Variants in GRHL2 observed in about 807,000 individuals in gnomAD.
GRHL2 encodes grainyhead-like protein 2 homolog.
A neutral mutation model predicts 83.8 loss-of-function variants in GRHL2; 21 were observed. The ratio of observed to expected loss-of-function variants is 0.25; its 90% CI spans 0.18 to 0.36. The LOEUF is 0.36. Ranked by LOEUF, GRHL2 falls within the 10% of genes least tolerant of loss-of-function variation. GRHL2 has a pLI of 1.00. For synonymous variants in GRHL2, 280 were observed against 278.9 expected, an observed-to-expected ratio of 1.00 and a Z score of -0.04; for missense variants, 623 against 781.8, an observed-to-expected ratio of 0.80 and a Z score of 2.42.
At position 101,543,591 on chromosome 8, in the gene GRHL2, T is replaced by C. The variant is rs1315703185; in HGVS notation, c.216+155T>C. 2.1e-5 allele frequency: 15 copies of C among 723,948 alleles called. No individual in the cohort carries two copies. The Admixed American group carries it at 3.0e-4, about 15-fold the overall frequency. The allele number at this position is 723,948 out of a possible 1,614,324, so 44.8% of individuals were successfully genotyped here. On this transcript the variant is annotated intron_variant, in intron 2 of 15. Transcript: ENST00000646743. ...GCCTCTTCCTGTTCTCCTTGCTCCC[T>C]GCTTCCCCATCTACAAAGCTCAACT...
rs545331424 is a variant in GRHL2 at position 101,638,488 on chromosome 8, T to C, written c.1517+1560T>C. ...TGTGTCAATTTGTTTATGTATTGTC[T>C]GTGGCTTCTTTGCTGCTACAGCAGC... is the stretch of plus-strand genomic sequence containing the variant. On this transcript the variant is annotated intron_variant, in intron 12 of 15. Coordinates refer to ENST00000646743, the MANE Select transcript of GRHL2 (RefSeq NM_024915.4). Among the ~76,000 whole-genome samples the C allele has an allele frequency of 5.9e-5, 9 of 152,378 alleles. No individual in the cohort carries two copies. The South Asian group carries it at 1.9e-3, about 32-fold the overall frequency.
intron 1 of GRHL2, among the ~76,000 whole-genome samples, chr8:101,538,090 C>T (rs1478260789): frequency 1.3e-5 from 2 of 152,118 alleles, no homozygotes; most frequent in African/African-American, 2.4e-5. Context: ...CATTGCGTGA[C>T]GGGCACTGTC....
chr8:101,649,656 G>C (rs753472542), intron 14 of GRHL2, among the ~76,000 whole-genome samples, 157 bp downstream of exon 14: 3 of 152,036 alleles, frequency 2.0e-5, no homozygotes, highest in Non-Finnish European at 4.4e-5. Flanking sequence ...TCTCGCTACT[G>C]TCAAGGCTTA....
rs1221963094 is a variant in GRHL2 at position 101,651,946 on chromosome 8, CG to C, written c.1698+2450del. On this transcript the variant is annotated intron_variant, in intron 14 of 15. Transcript: ENST00000646743. ...GCAAGAGAAGTTCCTCCAGGATCCT[CG>C]GGTGATGCAGTCTGGAATGACAAAG... Among the ~76,000 whole-genome samples the C allele has an allele frequency of 2.6e-5, 4 of 152,126 alleles. No homozygotes were observed. In the East Asian group the frequency reaches 7.7e-4, roughly 29 times the overall value.
At chr8:101,619,798 A>C in intron 9 of GRHL2, 101 bp downstream of exon 9, 1 of 875,552 alleles carries the variant, frequency 1.1e-6, no homozygotes, top group Non-Finnish European at 1.9e-6. Flanking sequence ...AGTGGTGTCA[A>C]AATATTCACT....
At chr8:101,620,225 A>C (rs544390227) in intron 9 of GRHL2, among the ~76,000 whole-genome samples, 1 of 152,142 alleles carries the variant, frequency 6.6e-6, no homozygotes, top group African/African-American at 2.4e-5. Flanking sequence ...TCTAAACCCA[A>C]TTACCTCCCC....
At chr8:101,504,891 C>T (rs916470558) in intron 1 of GRHL2, among the ~76,000 whole-genome samples, 25 of 149,622 alleles carry the variant, frequency 1.7e-4, no homozygotes, top group Non-Finnish European at 3.5e-4. Context: ...GAAGCATCCA[C>T]AGCAGGGAAC....
At chr8:101,569,508 C>T (rs186989355) in intron 4 of GRHL2, among the ~76,000 whole-genome samples, 17 of 152,318 alleles carry the variant, frequency 1.1e-4, no homozygotes, top group Admixed American at 8.5e-4. Context: ...TCCAGCCTGT[C>T]GCTCAGGCTG....
chr8:101,644,188 G>A lies in GRHL2; in HGVS notation c.1575G>A (p.Val525=), dbSNP rs1392914412. 1 of 1,614,134 alleles carries A rather than the reference G, an allele frequency of 6.2e-7. No homozygotes were observed. Among genetic ancestry groups the A allele is most frequent in the South Asian group, 1.1e-5 (1 of 91,078 alleles). ...CCATGGAAGAGGAGTTTGGTCCAGT[G>A]CCTTCAAAGCAGATGAAAGAAGAAG... ...FRPMEEEFGP[V]PSKQMKEEGT... is the part of the protein sequence containing the mutation. Residue 525 remains valine, a synonymous_variant, in exon 13 of 16, where the codon GTG becomes GTA. Transcript: ENST00000646743.
At chr8:101,520,318 C>T (rs1338010789) in intron 1 of GRHL2, among the ~76,000 whole-genome samples, 1 of 151,974 alleles carries the variant, frequency 6.6e-6, no homozygotes, top group East Asian at 1.9e-4. Context: ...CCCACTTGCA[C>T]AAAGATGTAA....
chr8:101,525,074 C>T (rs1810777428), intron 1 of GRHL2, among the ~76,000 whole-genome samples: 1 of 152,116 alleles, frequency 6.6e-6, no homozygotes, highest in African/African-American at 2.4e-5. Context: ...TCCTGCGTAG[C>T]TGGGATTACA....
chr8:101,652,555 T>TGG (rs1813686883), intron 14 of GRHL2, among the ~76,000 whole-genome samples: 1 of 89,982 alleles, frequency 1.1e-5, no homozygotes, highest in Non-Finnish European at 2.2e-5. Flanking sequence ...GTGGTGTGTA[T>TGG]GTGTGGTGGT....
At chr8:101,549,709 A>G (rs1056183487) in intron 2 of GRHL2, among the ~76,000 whole-genome samples, 3 of 152,008 alleles carry the variant, frequency 2.0e-5, no homozygotes, top group African/African-American at 7.2e-5. Flanking sequence ...ATCTCCCCCA[A>G]CTCATTCCTC....
chr8:101,670,292 A>ATGAT (rs547934513), downstream of GRHL2, among the ~76,000 whole-genome samples: 147 of 152,328 alleles, frequency 9.7e-4, 1 homozygote, highest in African/African-American at 3.2e-3. Context: ...ACTGCTGTCC[A>ATGAT]TGATTATCTC....
intron 8 of GRHL2, among the ~76,000 whole-genome samples, chr8:101,603,248 A>C (rs1812556013): frequency 6.6e-6 from 1 of 152,250 alleles, no homozygotes; most frequent in Non-Finnish European, 1.5e-5. Context: ...CCATGGCAGC[A>C]TCATTGGAGA....
chr8:101,565,208 A>G (rs1346612328), intron 4 of GRHL2, among the ~76,000 whole-genome samples: 1 of 152,234 alleles, frequency 6.6e-6, no homozygotes, highest in African/African-American at 2.4e-5. Flanking sequence ...ATAAGCAAAG[A>G]GTATAGTTGA....
At chr8:101,625,404 G>A (rs1192378849) in intron 9 of GRHL2, among the ~76,000 whole-genome samples, 1 of 152,042 alleles carries the variant, frequency 6.6e-6, no homozygotes, top group South Asian at 2.1e-4. Context: ...TTATATTGTT[G>A]TTCACCCATG....
chr8:101,552,801 C>T lies in GRHL2; in HGVS notation c.284+19C>T. On this transcript the variant is annotated intron_variant, in intron 3 of 15. Transcript: ENST00000646743. ...AGAAAAGGTAAAGGAATTTGCCTGG[C>T]CCCCAGAATAACTCTATGTTTTCTA... The T allele has an allele frequency of 6.2e-7, 1 of 1,608,436 alleles. No individual in the cohort carries two copies. Among genetic ancestry groups the T allele is most frequent in the Non-Finnish European group, 8.5e-7 (1 of 1,175,622 alleles).
rs1453079812 is a variant in GRHL2 at position 101,618,439 on chromosome 8, T to C, written c.1099-1100T>C. Among the ~76,000 whole-genome samples, 5 of 152,200 alleles carry C rather than the reference T, an allele frequency of 3.3e-5. No homozygotes were observed. In the East Asian group the frequency reaches 9.6e-4, roughly 29 times the overall value. ...ATGCCTTCACTAATTCACTATATTTTCTCTCCTGTTTCAGATCTTACATTT... is the reference window on the plus strand; with the variant it reads ...ATGCCTTCACTAATTCACTATATTTCCTCTCCTGTTTCAGATCTTACATTT... On this transcript the variant is annotated intron_variant, in intron 8 of 15. Coordinates refer to ENST00000646743, the MANE Select transcript of GRHL2 (RefSeq NM_024915.4).
Sources: allele counts gnomAD v4.1 joint callset (sites outside exome capture counted in the v4.1 genomes callset), GRCh38; gene constraint gnomAD v4.1.1; transcripts MANE v1.5; gene names NCBI Gene and HGNC (gene_info 2026-07-23, HGNC 2026-07-21).